CPNE4: variants seen among roughly 807,000 people sequenced by gnomAD.
CPNE4 encodes the protein copine-4.
Under a neutral mutation model 67.9 loss-of-function variants are expected in CPNE4, and 25 were observed. That is an observed-to-expected ratio of 0.37 (90% CI 0.27 to 0.51). The LOEUF (loss-of-function observed/expected upper bound fraction) is 0.51. Ranked by LOEUF, CPNE4 falls within the 20% of genes least tolerant of loss-of-function variation. The pLI, the probability that CPNE4 is intolerant of heterozygous loss-of-function variation, is 0.93. For missense variants in CPNE4, 464 were observed against 690.8 expected (o/e 0.67, Z 3.68); for synonymous variants, 242 against 244.9 (o/e 0.99, Z 0.11).
intron 1 of CPNE4, among the ~76,000 whole-genome samples, chr3:131,909,122 C>G (rs545580706): frequency 1.3e-5 from 2 of 152,282 alleles, no homozygotes; most frequent in Non-Finnish European, 2.9e-5. Context: ...TACCCTCCAT[C>G]TAAGAGCACA....
intron 14 of CPNE4, among the ~76,000 whole-genome samples, chr3:131,543,406 T>C (rs533896547): frequency 2.6e-5 from 4 of 152,226 alleles, no homozygotes; most frequent in Admixed American, 6.5e-5. Context: ...AATCTACTTT[T>C]TCTTTCTTTG....
At position 131,690,083 on chromosome 3, in the gene CPNE4, A is replaced by T. The variant is rs142741138; in HGVS notation, c.508-4125T>A. On this transcript the variant is annotated intron_variant, in intron 5 of 15. Coordinates refer to ENST00000429747, the MANE Select transcript of CPNE4 (RefSeq NM_130808.3). ...AAAGCATTCCATGCTCATGGATCGG[A>T]AGAATCAATATTGCTAAAATGGCCA... Among the ~76,000 whole-genome samples, 36 of 152,362 alleles carry T rather than the reference A, an allele frequency of 2.4e-4. No individual in the cohort carries two copies. The East Asian group carries it at 6.5e-3, about 28-fold the overall frequency.
chr3:131,945,355 C>T (rs550897967), intron 1 of CPNE4, among the ~76,000 whole-genome samples: 10 of 152,260 alleles, frequency 6.6e-5, no homozygotes, highest in African/African-American at 2.2e-4. Context: ...AACCTATTGG[C>T]AAAAGTGTAG....
At chr3:131,667,580 AC>A (rs1280799559) in intron 7 of CPNE4, among the ~76,000 whole-genome samples, 1 of 151,722 alleles carries the variant, frequency 6.6e-6, no homozygotes, top group Non-Finnish European at 1.5e-5. Flanking sequence ...GTGTGGAGAA[AC>A]CCTGATCCTT....
chr3:131,824,235 C>T (rs1227672927), intron 2 of CPNE4, among the ~76,000 whole-genome samples: 4 of 152,128 alleles, frequency 2.6e-5, no homozygotes, highest in Non-Finnish European at 5.9e-5. Flanking sequence ...TCTATGAAAT[C>T]ATAACCCAGT....
At chr3:131,549,685 T>C (rs1409208202) in intron 14 of CPNE4, among the ~76,000 whole-genome samples, 1 of 152,100 alleles carries the variant, frequency 6.6e-6, no homozygotes, top group Non-Finnish European at 1.5e-5. Flanking sequence ...TAGCTTCCAT[T>C]GTTGAGTTTC....
chr3:131,776,882 T>C (rs989974794), intron 2 of CPNE4, among the ~76,000 whole-genome samples: 3 of 152,134 alleles, frequency 2.0e-5, no homozygotes, highest in Non-Finnish European at 4.4e-5. Context: ...CTGGCAAACA[T>C]TAAGAAGCAC....
At chr3:131,571,261 C>T (rs1937322594) in intron 10 of CPNE4, among the ~76,000 whole-genome samples, 1 of 151,994 alleles carries the variant, frequency 6.6e-6, no homozygotes, top group Non-Finnish European at 1.5e-5. Context: ...TAACTCTTTG[C>T]CCCTCTTTCC....
At chr3:131,950,063 T>G (rs1197971165) in intron 1 of CPNE4, among the ~76,000 whole-genome samples, 1 of 152,226 alleles carries the variant, frequency 6.6e-6, no homozygotes, top group Non-Finnish European at 1.5e-5. Flanking sequence ...AGTTATGTTG[T>G]ATAAGGTCAC....
At chr3:131,838,957 A>G (rs998074195) in intron 2 of CPNE4, among the ~76,000 whole-genome samples, 16 of 151,942 alleles carry the variant, frequency 1.1e-4, no homozygotes, top group Non-Finnish European at 2.1e-4. Context: ...GTTTTCAGCT[A>G]ATAAAAAAAG....
At chr3:131,923,116 T>C (rs2070786524) in intron 1 of CPNE4, among the ~76,000 whole-genome samples, 1 of 152,190 alleles carries the variant, frequency 6.6e-6, no homozygotes, top group South Asian at 2.1e-4. Flanking sequence ...AATTAGCTCA[T>C]GGGAGGTTTA....
At chr3:131,757,788 T>C (rs892610874) in intron 2 of CPNE4, among the ~76,000 whole-genome samples, 1 of 152,180 alleles carries the variant, frequency 6.6e-6, no homozygotes, top group Non-Finnish European at 1.5e-5. Flanking sequence ...GTCCCTGTGC[T>C]GTGTGCAGCC....
intron 2 of CPNE4, among the ~76,000 whole-genome samples, chr3:131,771,117 C>G (rs184280374): frequency 6.6e-6 from 1 of 152,078 alleles, no homozygotes; most frequent in South Asian, 2.1e-4. Context: ...GTAAGAAGCA[C>G]GTCTGACTTC....
At chr3:131,606,793 C>T (rs756023087) in intron 7 of CPNE4, among the ~76,000 whole-genome samples, 1 of 150,686 alleles carries the variant, frequency 6.6e-6, no homozygotes, top group African/African-American at 2.5e-5. Context: ...CAGCCACCCT[C>T]TAAATGTCTG....
At chr3:131,789,035 C>CACACACAGAGAG (rs1553771459) in intron 2 of CPNE4, among the ~76,000 whole-genome samples, 2 of 137,302 alleles carry the variant, frequency 1.5e-5, no homozygotes, top group African/African-American at 2.8e-5. Context: ...CACACACACA[C>CACACACAGAGAG]AGAGAGAGAG....
intron 7 of CPNE4, among the ~76,000 whole-genome samples, chr3:131,596,412 G>C (rs923725775): frequency 8.5e-6 from 1 of 117,194 alleles, no homozygotes; most frequent in African/African-American, 4.0e-5. Context: ...CACGAGGTCA[G>C]GAGATCGAGA....
intron 7 of CPNE4, among the ~76,000 whole-genome samples, chr3:131,620,182 A>T (rs941135485): frequency 6.6e-6 from 1 of 152,214 alleles, no homozygotes; most frequent in African/African-American, 2.4e-5. Context: ...CTCATAGGTA[A>T]AAAGAAATGT....
At chr3:131,954,742 G>A (rs570293864) in intron 1 of CPNE4, among the ~76,000 whole-genome samples, 22 of 152,200 alleles carry the variant, frequency 1.4e-4, no homozygotes, top group Admixed American at 1.3e-3. Context: ...GAGAACATGC[G>A]GTGTTTGGTT....
intron 1 of CPNE4, among the ~76,000 whole-genome samples, chr3:131,933,586 C>G (rs1188696921): frequency 2.6e-5 from 4 of 152,062 alleles, no homozygotes; most frequent in Non-Finnish European, 5.9e-5. Context: ...CTTATATTCA[C>G]TGCAGCATTA....
Sources: allele counts gnomAD v4.1 joint callset (sites outside exome capture counted in the v4.1 genomes callset), GRCh38; gene constraint gnomAD v4.1.1; transcripts MANE v1.5; gene names NCBI Gene and HGNC (gene_info 2026-07-23, HGNC 2026-07-21).